SLC2A9: variants seen among roughly 807,000 people sequenced by gnomAD.
The protein encoded by SLC2A9 is solute carrier family 2 member 9.
Under a neutral mutation model 50.6 loss-of-function variants are expected in SLC2A9, and 39 were observed. The observed-to-expected ratio is 0.77, with a 90% CI of 0.60 to 1.01. The LOEUF is 1.01. SLC2A9 is among the 50% of genes least tolerant of loss of function. The probability of loss-of-function intolerance (pLI) is 0.00; values close to 1 mark genes in which losing one functional copy is unlikely to be tolerated. For missense variants in SLC2A9, 686 were observed against 677.6 expected (o/e 1.01, Z -0.14); for synonymous variants, 324 against 276.9 (o/e 1.17, Z -1.69).
chr4:9,997,828 T>C (rs1239239415), intron 2 of SLC2A9, among the ~76,000 whole-genome samples: 2 of 151,824 alleles, frequency 1.3e-5, no homozygotes, highest in Non-Finnish European at 2.9e-5. Flanking sequence ...CATCTTCTGC[T>C]CTTCCAAAGA....
At chr4:9,992,945 A>G (rs1348403408) in intron 3 of SLC2A9, among the ~76,000 whole-genome samples, 1 of 152,226 alleles carries the variant, frequency 6.6e-6, no homozygotes, top group Non-Finnish European at 1.5e-5. Context: ...AGGGCATAGC[A>G]GCTGCCTCTT....
downstream of SLC2A9, among the ~76,000 whole-genome samples, chr4:9,775,783 CAA>C (rs1717473717): frequency 6.6e-6 from 1 of 152,168 alleles, no homozygotes; most frequent in Non-Finnish European, 1.5e-5. Context: ...TGAGACAATT[CAA>C]ACTCTTTTCT....
chr4:10,002,394 A>T (rs1342752667), intron 2 of SLC2A9, among the ~76,000 whole-genome samples: 5 of 152,218 alleles, frequency 3.3e-5, no homozygotes, highest in Admixed American at 3.3e-4. Flanking sequence ...CCTGAGAGTT[A>T]TATAACCTGC....
At chr4:9,990,346 G>T (rs1213747456) in intron 3 of SLC2A9, among the ~76,000 whole-genome samples, 1 of 152,078 alleles carries the variant, frequency 6.6e-6, no homozygotes, top group Non-Finnish European at 1.5e-5. Context: ...AATGTCTACT[G>T]CTTGCCTGCT....
At chr4:9,783,534 A>G in intron 3 of SLC2A9, 1 of 1,381,610 alleles carries the variant, frequency 7.2e-7, no homozygotes, top group Non-Finnish European at 9.9e-7. Flanking sequence ...CACACACGCA[A>G]ATACATGCCT....
At chr4:9,843,127 A>G (rs1451705262) in intron 10 of SLC2A9, among the ~76,000 whole-genome samples, 1 of 152,090 alleles carries the variant, frequency 6.6e-6, no homozygotes, top group South Asian at 2.1e-4. Context: ...GCCTGCCACA[A>G]TGTGGGCTGA....
chr4:9,908,312 CT>C lies in SLC2A9; in HGVS notation c.1035del (p.Ala346LeufsTer13). The C allele has an allele frequency of 1.2e-6, 2 of 1,613,878 alleles. No individual in the cohort carries two copies. Among genetic ancestry groups the C allele is most frequent in the Non-Finnish European group, 1.7e-6 (2 of 1,179,806 alleles). The stretch of plus-strand genomic sequence containing the variant: ...GGGATCTTTGCCGGAGGGATCCCAG[CT>C]TTTCCAAAGATGCTGTTGGTATAGA... ...IWFYTNSIFG[K>X]AGIPPAKIPY... On this transcript the variant is annotated frameshift_variant, in exon 8 of 12. Coordinates refer to ENST00000264784, the MANE Select transcript of SLC2A9 (RefSeq NM_020041.3). LOFTEE classifies it high-confidence loss of function.
chr4:9,993,018 C>T (rs1272493713), intron 3 of SLC2A9, among the ~76,000 whole-genome samples: 2 of 152,230 alleles, frequency 1.3e-5, no homozygotes, highest in Non-Finnish European at 2.9e-5. Context: ...ATGAATTACT[C>T]AGGGGCTGCC....
intron 5 of SLC2A9, among the ~76,000 whole-genome samples, chr4:9,964,410 A>C (rs1752754868): frequency 6.6e-6 from 1 of 152,196 alleles, no homozygotes; most frequent in African/African-American, 2.4e-5. Context: ...GACAACCTCT[A>C]AACTTCTTTT....
intron 5 of SLC2A9, among the ~76,000 whole-genome samples, chr4:9,955,249 T>C (rs1751027198): frequency 2.3e-5 from 1 of 43,580 alleles, no homozygotes; most frequent in Non-Finnish European, 4.5e-5. Context: ...TCCCAGCACT[T>C]TGGGAGGCCG....
intron 1 of SLC2A9, among the ~76,000 whole-genome samples, chr4:10,026,954 G>C (rs1272741760): frequency 2.0e-5 from 3 of 152,076 alleles, no homozygotes; most frequent in Non-Finnish European, 4.4e-5. Flanking sequence ...TGAGGCAGGA[G>C]AATTGCTTGA....
chr4:10,003,009 G>A (rs891015612), intron 2 of SLC2A9, among the ~76,000 whole-genome samples: 3 of 152,174 alleles, frequency 2.0e-5, no homozygotes, highest in African/African-American at 7.2e-5. Context: ...AGGATTAGAG[G>A]GGCCACAGCA....
At chr4:9,938,591 G>A (rs1212802294) in intron 6 of SLC2A9, among the ~76,000 whole-genome samples, 2 of 152,116 alleles carry the variant, frequency 1.3e-5, no homozygotes, top group African/African-American at 4.8e-5. Context: ...TATTATGGTT[G>A]TCTTTATGTG....
intron 1 of SLC2A9, among the ~76,000 whole-genome samples, chr4:10,032,191 A>G (rs1763958874): frequency 1.3e-5 from 2 of 152,196 alleles, no homozygotes; most frequent in Non-Finnish European, 2.9e-5. Flanking sequence ...CATTATAGCA[A>G]ACTCTAGAAA....
chr4:9,978,385 A>C (rs1461125826), intron 5 of SLC2A9, among the ~76,000 whole-genome samples: 1 of 152,238 alleles, frequency 6.6e-6, no homozygotes. Flanking sequence ...TTTATAAACA[A>C]AGTGGAATTT....
downstream of SLC2A9, among the ~76,000 whole-genome samples, chr4:9,794,149 C>CTTTT (rs1376089385): frequency 8.9e-5 from 13 of 146,530 alleles, no homozygotes; most frequent in African/African-American, 3.0e-4. Flanking sequence ...TCATTAATTC[C>CTTTT]TTTTTTTTGT....
At chr4:9,787,961 G>T (rs1380919213) in intron 3 of SLC2A9, among the ~76,000 whole-genome samples, 5 of 152,138 alleles carry the variant, frequency 3.3e-5, no homozygotes, top group African/African-American at 1.2e-4. Context: ...TTCCTTTGGA[G>T]AAATACTTTG....
At chr4:9,874,895 C>T (rs62293276) in intron 10 of SLC2A9, among the ~76,000 whole-genome samples, 10,296 of 127,168 alleles carry the variant, frequency 0.081, 720 homozygotes, top group African/African-American at 0.11. Context: ...CATAGGTTAG[C>T]GTCTGTCTAA....
intron 5 of SLC2A9, among the ~76,000 whole-genome samples, chr4:9,979,892 T>G (rs1416516487): frequency 6.6e-6 from 1 of 152,120 alleles, no homozygotes; most frequent in African/African-American, 2.4e-5. Context: ...TTTACTGATT[T>G]CCTTTCTCTG....
Sources: gnomAD v4.1 joint callset for allele counts (sites outside exome capture counted in the v4.1 genomes callset) on GRCh38, gnomAD v4.1.1 for gene constraint, MANE v1.5 for transcripts, NCBI Gene and HGNC (gene_info 2026-07-23, HGNC 2026-07-21) for gene names.